Variants in MCM8 observed in about 807,000 individuals in gnomAD.
MCM8 encodes minichromosome maintenance 8 homologous recombination repair factor.
A neutral mutation model predicts 98.9 loss-of-function variants in MCM8; 85 were observed. The ratio of observed to expected loss-of-function variants is 0.86; its 90% CI spans 0.72 to 1.03. MCM8 has a LOEUF of 1.03. MCM8 is among the 50% of genes least tolerant of loss of function. The pLI is 0.00. For synonymous variants in MCM8, 352 were observed against 338.6 expected, an observed-to-expected ratio of 1.04 and a Z score of -0.44; for missense variants, 951 against 997.8, an observed-to-expected ratio of 0.95 and a Z score of 0.63.
chr20:5,984,792 C>T lies in MCM8; in HGVS notation c.1745C>T (p.Ala582Val), dbSNP rs1568595370. The change falls in exon 15 of 19, where the codon GCA becomes GTA. Residue 582 changes from alanine to valine, a missense_variant. Physicochemically the swap from Ala to Val is moderately conservative, Grantham distance 64 (BLOSUM62 0). Coordinates refer to ENST00000610722, the MANE Select transcript of MCM8 (RefSeq NM_032485.6). ...TTCATCCTTCATAGAATGGGGAGTG[C>T]ACTACTATCCAGATTTGATTTGGTC... The part of the protein sequence containing the change: ...TVSENLKMGS[A>V]LLSRFDLVFI... The T allele has an allele frequency of 6.2e-6, 10 of 1,610,946 alleles. No individual in the cohort carries two copies. The highest frequency in any genetic ancestry group is 7.6e-6 in the Non-Finnish European group (9 of 1,177,256).
At chr20:5,965,076 T>C (rs1003020788) in intron 8 of MCM8, 4 of 152,242 alleles carry the variant, frequency 2.6e-5, no homozygotes, top group African/African-American at 9.6e-5. Flanking sequence ...TTGTCAAGGT[T>C]TACCTTTTGT....
rs776138034 is a variant in MCM8, at chr20:5,968,480, A to G, written c.1223+455A>G. Among the ~76,000 whole-genome samples the G allele has an allele frequency of 4.6e-5, 7 of 152,132 alleles. No homozygotes were observed. The South Asian group carries it at 1.0e-3, about 23-fold the overall frequency. On this transcript the variant is annotated intron_variant, in intron 10 of 18. Coordinates refer to ENST00000610722, the MANE Select transcript of MCM8 (RefSeq NM_032485.6). ...AATCACTTGAACCCGGGAGATGGAG[A>G]TTGCAGTGAGCCAAGATCGTGCCAT...
At chr20:5,994,013 A>G (rs1042776558) in intron 18 of MCM8, 5 of 353,116 alleles carry the variant, frequency 1.4e-5, no homozygotes, top group Non-Finnish European at 2.5e-5. Context: ...GCTGTTACAC[A>G]TTATGGAAAA....
At chr20:5,981,649 C>T (rs1415115985) in intron 13 of MCM8, among the ~76,000 whole-genome samples, 6 of 152,110 alleles carry the variant, frequency 3.9e-5, no homozygotes, top group African/African-American at 9.7e-5. Context: ...GACAGAGCAG[C>T]CGTTATTATA....
chr20:5,952,321 C>G (rs543002948), intron 2 of MCM8, 103 bp from the exon 3 acceptor site: 1 of 1,553,538 alleles, frequency 6.4e-7, no homozygotes, highest in African/African-American at 1.4e-5. Context: ...TACTAAAACC[C>G]CTAATTTGGA....
rs757195870 is a variant in MCM8 at position 5,994,682 on chromosome 20, T to G, written c.*291T>G. 5.4e-5 allele frequency: 26 copies of G among 477,570 alleles called. No homozygotes were observed. In the East Asian group the frequency reaches 1.3e-3, roughly 24 times the overall value. The allele number at this position is 477,570 out of a possible 1,614,324, so 29.6% of individuals were successfully genotyped here. A position where few individuals can be genotyped will look rare whatever the true frequency, so the allele number is the denominator to read the frequency against. ...AGGAGGCTGAGGTGAGAGGATTCCT[T>G]GAGGCCAGGGTTCGAGACCAACCTT... On this transcript the variant is annotated 3_prime_UTR_variant, in exon 19 of 19. Coordinates refer to ENST00000610722, the MANE Select transcript of MCM8 (RefSeq NM_032485.6).
intron 12 of MCM8, among the ~76,000 whole-genome samples, chr20:5,974,512 TGTA>T (rs2089468908): frequency 6.6e-6 from 1 of 152,214 alleles, no homozygotes; most frequent in Non-Finnish European, 1.5e-5. Context: ...TTTAGTAAGT[TGTA>T]GTAGTATGGC....
chr20:5,957,281 A>T, intron 6 of MCM8, 52 bp downstream of exon 6: 6 of 1,362,922 alleles, frequency 4.4e-6, no homozygotes, highest in Non-Finnish European at 6.1e-6. Flanking sequence ...ATTGAAGGCC[A>T]TTTAAGAATG....
intron 9 of MCM8, 102 bp from the exon 10 acceptor site, chr20:5,967,728 C>A: frequency 7.4e-7 from 1 of 1,354,128 alleles, no homozygotes; most frequent in Non-Finnish European, 1.0e-6. Context: ...TTTAAAAAAA[C>A]ATGTATTTGT....
At chr20:5,987,931 C>T (rs2089765885) in intron 17 of MCM8, among the ~76,000 whole-genome samples, 1 of 152,128 alleles carries the variant, frequency 6.6e-6, no homozygotes, top group African/African-American at 2.4e-5. Context: ...CTGGGTTCAA[C>T]AGTAAATACT....
At chr20:5,962,143 T>C (rs937702668) in intron 7 of MCM8, among the ~76,000 whole-genome samples, 2 of 152,142 alleles carry the variant, frequency 1.3e-5, no homozygotes, top group Non-Finnish European at 2.9e-5. Flanking sequence ...TTTGGGCTTC[T>C]TGCACACAGT....
intron 8 of MCM8, among the ~76,000 whole-genome samples, chr20:5,965,887 C>A (rs774011649): frequency 1.3e-5 from 2 of 151,968 alleles, no homozygotes; most frequent in Non-Finnish European, 2.9e-5. Context: ...AAAAAACACA[C>A]CTTCCTTCTG....
intron 8 of MCM8, among the ~76,000 whole-genome samples, chr20:5,966,248 C>A (rs2089272472): frequency 6.6e-6 from 1 of 151,888 alleles, no homozygotes; most frequent in South Asian, 2.1e-4. Flanking sequence ...TTGTCTCTAT[C>A]CTGCTTGATT....
chr20:5,993,525 G>T lies in MCM8; in HGVS notation c.2260G>T (p.Asp754Tyr). The change falls in exon 18 of 19, where the codon GAT becomes TAT. Residue 754 changes from aspartate (D) to tyrosine (Y), a missense_variant. Physicochemically the swap from Asp to Tyr is radical, Grantham distance 160. Transcript: ENST00000610722. Reference sequence around the variant, plus strand: ...TTTAAGCATGCTAGGAACTTACTCTGATGAATTTGGGAACCTAGATTTTGA... The same window carrying T: ...TTTAAGCATGCTAGGAACTTACTCTTATGAATTTGGGAACCTAGATTTTGA... Reference protein sequence around the residue: ...MKYSMLGTYSDEFGNLDFERS... With the variant: ...MKYSMLGTYSYEFGNLDFERS... 1 of 1,574,836 alleles carries T rather than the reference G, an allele frequency of 6.3e-7. No homozygotes were observed. The highest frequency in any genetic ancestry group is 8.6e-7 in the Non-Finnish European group (1 of 1,156,306).
chr20:5,982,926 C>G (rs780681157), intron 13 of MCM8, 44 bp from the exon 14 acceptor site: 7 of 1,533,498 alleles, frequency 4.6e-6, no homozygotes, highest in East Asian at 2.3e-5. Flanking sequence ...GGAACTTGAC[C>G]AAAGAAAAAA....
intron 8 of MCM8, among the ~76,000 whole-genome samples, chr20:5,963,826 G>A (rs887835057): frequency 4.6e-5 from 7 of 152,222 alleles, no homozygotes; most frequent in African/African-American, 1.4e-4. Context: ...GTGAGCCACC[G>A]CTCCTAGCCT....
At chr20:5,961,943 G>T (rs924131727) in intron 7 of MCM8, among the ~76,000 whole-genome samples, 1 of 152,148 alleles carries the variant, frequency 6.6e-6, no homozygotes, top group Admixed American at 6.5e-5. Context: ...AAACTCAGTG[G>T]CCGAAAATAA....
At position 5,994,553 on chromosome 20, in the gene MCM8, C is replaced by A; in HGVS notation, c.*162C>A. ...AATACTGTTCTCTGAAAAATGATGTCCCAAAAGTATTATAATAGGAAAAAA... is the reference window on the plus strand; with the variant it reads ...AATACTGTTCTCTGAAAAATGATGTACCAAAAGTATTATAATAGGAAAAAA... On this transcript the variant is annotated 3_prime_UTR_variant, in exon 19 of 19. Coordinates refer to ENST00000610722, the MANE Select transcript of MCM8 (RefSeq NM_032485.6). 1 of 563,940 alleles carries A rather than the reference C, an allele frequency of 1.8e-6. No individual in the cohort carries two copies. 34.9% of individuals were successfully genotyped at this position (563,940 alleles called of 1,614,324 possible).
chr20:5,982,174 T>G lies in MCM8; in HGVS notation c.1538-796T>G, dbSNP rs1035192823. Among the ~76,000 whole-genome samples, 16 of 152,248 alleles carry G rather than the reference T, an allele frequency of 1.1e-4. No homozygotes were observed. The East Asian group carries it at 1.6e-3, about 15-fold the overall frequency. On this transcript the variant is annotated intron_variant, in intron 13 of 18. Transcript: ENST00000610722. ...ACAAGTTATTGGGGACTCTCTAACA[T>G]TAGTTTACAATATTTGTCTTCCCTG...
Sources: gnomAD v4.1 joint callset for allele counts (sites outside exome capture counted in the v4.1 genomes callset) on GRCh38, gnomAD v4.1.1 for gene constraint, MANE v1.5 for transcripts, NCBI Gene and HGNC (gene_info 2026-07-23, HGNC 2026-07-21) for gene names.